The following PDS5B variants were observed in gnomAD, a reference collection of about 807,000 sequenced individuals.
PDS5B encodes the protein sister chromatid cohesion protein PDS5 homolog B.
Under a neutral mutation model 184.1 loss-of-function variants are expected in PDS5B, and 51 were observed. That is an observed-to-expected ratio of 0.28 (90% CI 0.22 to 0.35). The LOEUF (loss-of-function observed/expected upper bound fraction) is 0.35, where lower values mean the gene tolerates loss of function less well. Ranked by LOEUF, PDS5B falls within the 10% of genes least tolerant of loss-of-function variation. The pLI is 1.00. For missense variants in PDS5B, 1,180 were observed against 1,723.3 expected (o/e 0.68, Z 5.58); for synonymous variants, 566 against 569.2 (o/e 0.99, Z 0.08).
chr13:32,698,228 A>C (rs7985640), intron 15 of PDS5B, among the ~76,000 whole-genome samples: 58,152 of 151,264 alleles, frequency 0.38, 11,612 homozygotes, highest in Non-Finnish European at 0.44. Flanking sequence ...TCTTTTCCCT[A>C]CCCCCTTTTG....
intron 9 of PDS5B, among the ~76,000 whole-genome samples, chr13:32,678,549 A>T (rs568864905): frequency 6.6e-6 from 1 of 152,314 alleles, no homozygotes; most frequent in South Asian, 2.1e-4. Flanking sequence ...TAACGTTGAT[A>T]GGAACTTTTT....
At chr13:32,682,157 A>C (rs1484399779) in intron 10 of PDS5B, among the ~76,000 whole-genome samples, 1 of 152,186 alleles carries the variant, frequency 6.6e-6, no homozygotes, top group Non-Finnish European at 1.5e-5. Context: ...AAAATATCAG[A>C]GTCTGTTCTA....
At chr13:32,656,273 C>CTTTTTTTTT (rs71071057) in intron 3 of PDS5B, among the ~76,000 whole-genome samples, 213 of 96,726 alleles carry the variant, frequency 2.2e-3, no homozygotes, top group African/African-American at 4.1e-3. Context: ...TCTCCAGCTT[C>CTTTTTTTTT]TTTTTTTTTT....
intron 19 of PDS5B, among the ~76,000 whole-genome samples, chr13:32,727,321 T>G (rs1952939924): frequency 2.0e-5 from 3 of 152,188 alleles, no homozygotes; most frequent in Admixed American, 6.5e-5. Context: ...TAATATGTTC[T>G]TGATATTTTT....
chr13:32,691,794 A>C (rs1252807679), intron 13 of PDS5B, among the ~76,000 whole-genome samples: 1 of 152,088 alleles, frequency 6.6e-6, no homozygotes, highest in Non-Finnish European at 1.5e-5. Context: ...TTCCAACATG[A>C]TTATACTAGT....
rs113184778 is a variant in PDS5B, at chr13:32,747,013, T to C, written c.2736+913T>C. On this transcript the variant is annotated intron_variant, in intron 24 of 34. Transcript: ENST00000315596. ...TTTATACTTTTATAAAGACATGACA[T>C]AGAACTAATTTCAGGTTAGAAGCAT... 2.2e-3 allele frequency among the ~76,000 whole-genome samples: 334 copies of C among 152,268 alleles called. 3 individuals are homozygous for C. Among genetic ancestry groups the C allele is most frequent in the African/African-American group, 7.4e-3 (306 of 41,572 alleles).
intron 19 of PDS5B, among the ~76,000 whole-genome samples, chr13:32,723,022 C>G (rs1354138788): frequency 6.6e-6 from 1 of 152,158 alleles, no homozygotes; most frequent in Non-Finnish European, 1.5e-5. Flanking sequence ...ACAGCCAGCA[C>G]AGGGATATTC....
chr13:32,667,922 G>T, intron 7 of PDS5B, 78 bp downstream of exon 7: 3 of 714,562 alleles, frequency 4.2e-6, no homozygotes, highest in African/African-American at 1.8e-5. Context: ...AATTTCATCA[G>T]ATAGTATATA....
chr13:32,637,517 T>C (rs2058583930), intron 1 of PDS5B, among the ~76,000 whole-genome samples: 1 of 152,106 alleles, frequency 6.6e-6, no homozygotes, highest in Non-Finnish European at 1.5e-5. Flanking sequence ...AGTAGACAAT[T>C]GTATGTGCGG....
chr13:32,758,756 T>A, intron 28 of PDS5B, 103 bp downstream of exon 28: 3 of 1,106,414 alleles, frequency 2.7e-6, no homozygotes, highest in Non-Finnish European at 2.7e-6. Flanking sequence ...GCTGTGAGTC[T>A]TAAGAATGTG....
chr13:32,597,304 A>G lies in PDS5B; in HGVS notation c.-20+10711A>G, dbSNP rs957991319. 1.6e-4 allele frequency among the ~76,000 whole-genome samples: 24 copies of G among 151,722 alleles called. 1 individual carries two copies. The highest frequency in any genetic ancestry group is 5.8e-4 in the African/African-American group (24 of 41,326). On this transcript the variant is annotated intron_variant, in intron 1 of 34. Transcript: ENST00000315596. ...GTGATCTTCCTGCCTCAGCCTCCCA[A>G]AGTGCTGGGATTACAGGCATGAGCC...
intron 1 of PDS5B, among the ~76,000 whole-genome samples, chr13:32,631,656 G>A (rs1460814347): frequency 6.6e-6 from 1 of 152,194 alleles, no homozygotes; most frequent in African/African-American, 2.4e-5. Context: ...GATCAAAGGT[G>A]CAGTAAAGTT....
intron 1 of PDS5B, among the ~76,000 whole-genome samples, chr13:32,617,368 A>G (rs1302060999): frequency 6.6e-6 from 1 of 152,232 alleles, no homozygotes; most frequent in Non-Finnish European, 1.5e-5. Flanking sequence ...AGCCACATAC[A>G]TATCTACAAC....
At chr13:32,665,474 A>G (rs1055818823) in intron 6 of PDS5B, among the ~76,000 whole-genome samples, 7 of 149,662 alleles carry the variant, frequency 4.7e-5, no homozygotes, top group East Asian at 2.0e-4. Flanking sequence ...CTGTAGTCCC[A>G]GCTACTTTGG....
chr13:32,769,895 C>G (rs71436495), intron 31 of PDS5B, among the ~76,000 whole-genome samples: 2,555 of 152,196 alleles, frequency 0.017, 26 homozygotes, highest in Non-Finnish European at 0.024. Context: ...TTAAGACACT[C>G]TAGCTGAAAA....
At chr13:32,733,846 A>G (rs555335380) in intron 20 of PDS5B, among the ~76,000 whole-genome samples, 2 of 152,174 alleles carry the variant, frequency 1.3e-5, no homozygotes, top group South Asian at 4.2e-4. Context: ...TTTTCCAGAG[A>G]TATTTTATTC....
intron 17 of PDS5B, among the ~76,000 whole-genome samples, chr13:32,701,799 T>A (rs998861788): frequency 6.6e-6 from 1 of 152,148 alleles, no homozygotes; most frequent in Non-Finnish European, 1.5e-5. Flanking sequence ...TTAGGTAATA[T>A]AAATAAATTT....
intron 10 of PDS5B, among the ~76,000 whole-genome samples, chr13:32,681,350 C>T (rs1039470255): frequency 1.3e-4 from 20 of 152,126 alleles, no homozygotes; most frequent in Middle Eastern, 3.4e-3. Context: ...AGGCTGGGCA[C>T]GGTGGCTCAT....
At chr13:32,678,296 G>A (rs1330828864) in intron 9 of PDS5B, among the ~76,000 whole-genome samples, 1 of 152,124 alleles carries the variant, frequency 6.6e-6, no homozygotes, top group Non-Finnish European at 1.5e-5. Context: ...GTAAAAAGTG[G>A]CCTTGCCGTT....
Sources: gnomAD v4.1 joint callset for allele counts (sites outside exome capture counted in the v4.1 genomes callset) on GRCh38, gnomAD v4.1.1 for gene constraint, MANE v1.5 for transcripts, NCBI Gene and HGNC (gene_info 2026-07-23, HGNC 2026-07-21) for gene names.